PSD2: variants seen among roughly 807,000 people sequenced by gnomAD.
PSD2 encodes PH and SEC7 domain-containing protein 2.
In PSD2, 38 loss-of-function variants were observed where a neutral mutation model predicts 69.8. The observed-to-expected ratio is 0.54, with a 90% confidence interval of 0.42 to 0.71. The LOEUF (loss-of-function observed/expected upper bound fraction) is 0.71. Ranked by LOEUF, PSD2 falls within the 30% of genes least tolerant of loss-of-function variation. PSD2 has a pLI of 0.00. For synonymous variants in PSD2, 412 were observed against 423.0 expected, an observed-to-expected ratio of 0.97 and a Z score of 0.32; for missense variants, 943 against 1,014.5, an observed-to-expected ratio of 0.93 and a Z score of 0.96.
Position 139,809,450 on chromosome 5 carries a change from G to A in PSD2, c.10G>A (p.Asp4Asn). 6.2e-7 allele frequency: 1 copy of A among 1,611,322 alleles called. No individual in the cohort carries two copies. Among genetic ancestry groups the A allele is most frequent in the Non-Finnish European group, 8.5e-7 (1 of 1,179,330 alleles). Residue 4 changes from aspartate to asparagine, a missense_variant, in exon 2 of 15, where the codon GAC becomes AAC. Asp to Asn is a conservative substitution (Grantham distance 23). This residue lies in a region of PSD2 where 466 missense variants were observed against 445.0 expected (regional missense o/e 1.05). Coordinates refer to ENST00000274710, the MANE Select transcript of PSD2 (RefSeq NM_032289.4). MEE[D>N]KLLSAVPEEG... is the part of the protein sequence containing the mutation. ...GGAAGCAGTGGCTGCCATGGAGGAG[G>A]ACAAGCTCTTATCTGCAGTGCCTGA...
At chr5:139,817,605 T>C (rs1465755648) in intron 5 of PSD2, 44 bp downstream of exon 5, 22 of 1,471,542 alleles carry the variant, frequency 1.5e-5, no homozygotes, top group African/African-American at 5.6e-5. Flanking sequence ...TGGTACAGGC[T>C]GCACTTCTGG....
chr5:139,793,055 CT>C (rs1482103871), upstream of PSD2, among the ~76,000 whole-genome samples: 9 of 152,112 alleles, frequency 5.9e-5, 1 homozygote, highest in African/African-American at 1.9e-4. Context: ...TCCAGTGATT[CT>C]CTTGCCTCCG....
intron 7 of PSD2, among the ~76,000 whole-genome samples, chr5:139,828,948 C>T (rs1203997455): frequency 7.2e-6 from 1 of 137,956 alleles, no homozygotes; most frequent in Non-Finnish European, 1.5e-5. Flanking sequence ...TTCCTCTGCT[C>T]GGAGACAGAG....
chr5:139,822,675 G>A, intron 6 of PSD2, 51 bp from the exon 7 acceptor site: 1 of 1,524,410 alleles, frequency 6.6e-7, no homozygotes, highest in South Asian at 1.2e-5. Context: ...GAGACAGGGA[G>A]TGGGAAGAGG....
At chr5:139,808,717 C>T (rs1373400880) in intron 1 of PSD2, among the ~76,000 whole-genome samples, 3 of 152,180 alleles carry the variant, frequency 2.0e-5, no homozygotes, top group South Asian at 2.1e-4. Flanking sequence ...GGAGGCAGCC[C>T]GGGCTCTCTG....
In PSD2 at chr5:139,842,437, G is replaced by A. The variant is rs1358364267; in HGVS notation, c.2279G>A (p.Ser760Asn). The A allele has an allele frequency of 1.9e-6, 3 of 1,614,170 alleles. No individual in the cohort carries two copies. In the South Asian group the frequency reaches 3.3e-5, roughly 18 times the overall value. The change falls in exon 15 of 15, where the codon AGC becomes AAC. Residue 760 changes from serine (S) to asparagine (N), a missense_variant. By Grantham distance (46) the Ser-to-Asn change is conservative. Around this residue, in one of 3 missense-constraint regions of PSD2, gnomAD observed 165 missense variants for 168.8 expected, o/e 0.98. Coordinates refer to ENST00000274710, the MANE Select transcript of PSD2 (RefSeq NM_032289.4). Reference sequence around the variant, plus strand: ...CTCAGCCAGGGCCATGTGACTGGCAGCAAAACCACAAAGGATGCCACTGGG... The same window carrying A: ...CTCAGCCAGGGCCATGTGACTGGCAACAAAACCACAAAGGATGCCACTGGG... ...PALSQGHVTGSKTTKDATGPD... is the reference protein window; with the variant it reads ...PALSQGHVTGNKTTKDATGPD...
intron 1 of PSD2, among the ~76,000 whole-genome samples, chr5:139,803,221 C>T (rs923362212): frequency 6.6e-6 from 1 of 152,226 alleles, no homozygotes; most frequent in Non-Finnish European, 1.5e-5. Flanking sequence ...CTCTGGCCCC[C>T]CTCCTGGCCC....
At chr5:139,801,352 C>A (rs1291615225) in intron 1 of PSD2, among the ~76,000 whole-genome samples, 1 of 152,214 alleles carries the variant, frequency 6.6e-6, no homozygotes, top group Non-Finnish European at 1.5e-5. Context: ...CTCTCAAGGT[C>A]ATCAGTAATG....
chr5:139,838,013 G>A (rs934909707), intron 12 of PSD2, among the ~76,000 whole-genome samples: 2 of 152,220 alleles, frequency 1.3e-5, no homozygotes, highest in African/African-American at 2.4e-5. Context: ...ACTCTGGGAT[G>A]GCTCCAGCAA....
chr5:139,766,162 A>G, the PSD2 span, among the ~76,000 whole-genome samples: 26,578 of 152,086 alleles, frequency 0.17, 2,582 homozygotes, highest in African/African-American at 0.27. Flanking sequence ...GAGTCCACAG[A>G]TGAAGGACTA....
intron 1 of PSD2, among the ~76,000 whole-genome samples, chr5:139,805,350 A>C (rs1759778908): frequency 6.6e-6 from 1 of 152,242 alleles, no homozygotes; most frequent in Non-Finnish European, 1.5e-5. Flanking sequence ...GACTCCGAGC[A>C]GTTCCTCAAT....
intron 2 of PSD2, among the ~76,000 whole-genome samples, chr5:139,812,469 G>A (rs1032427838): frequency 6.0e-4 from 92 of 152,324 alleles, no homozygotes; most frequent in Middle Eastern, 3.4e-3. Flanking sequence ...CATTCACCCA[G>A]CACATCATTC....
chr5:139,765,698 G>A, the PSD2 span, among the ~76,000 whole-genome samples: 1 of 152,202 alleles, frequency 6.6e-6, no homozygotes, highest in African/African-American at 2.4e-5. Flanking sequence ...GAGGGTCGAG[G>A]GGCAGCATCC....
At chr5:139,775,761 G>A in the PSD2 span, among the ~76,000 whole-genome samples, 2 of 152,074 alleles carry the variant, frequency 1.3e-5, no homozygotes, top group Non-Finnish European at 2.9e-5. Context: ...CTCCGTCTCC[G>A]AGGTTCAAGC....
At chr5:139,805,021 G>A (rs753728154) in intron 1 of PSD2, among the ~76,000 whole-genome samples, 6 of 144,788 alleles carry the variant, frequency 4.1e-5, no homozygotes, top group South Asian at 4.2e-4. Flanking sequence ...GAGTGTGTGC[G>A]TGTGTGTGTA....
intron 1 of PSD2, among the ~76,000 whole-genome samples, chr5:139,808,636 C>T (rs564990306): frequency 1.2e-4 from 19 of 152,288 alleles, no homozygotes; most frequent in African/African-American, 4.6e-4. Flanking sequence ...GATGGGGGCC[C>T]GGGAGTGGAG....
chr5:139,792,296 A>G (rs1456302830), upstream of PSD2, among the ~76,000 whole-genome samples: 2 of 152,110 alleles, frequency 1.3e-5, no homozygotes, highest in Non-Finnish European at 2.9e-5. Flanking sequence ...CAGCTGGAAG[A>G]TGGGAGAATT....
At chr5:139,820,143 A>G (rs1760221071) in intron 5 of PSD2, among the ~76,000 whole-genome samples, 1 of 152,124 alleles carries the variant, frequency 6.6e-6, no homozygotes, top group Admixed American at 6.5e-5. Context: ...GACAGTGGTG[A>G]GGCTACCCCT....
Position 139,828,852 on chromosome 5 carries a change from GA to G in PSD2, c.1270-4849del, listed in dbSNP as rs539696560. 2.4e-3 allele frequency among the ~76,000 whole-genome samples: 365 copies of G among 152,328 alleles called. 1 individual carries two copies. Among genetic ancestry groups the G allele is most frequent in the Middle Eastern group, 0.017 (5 of 294 alleles). ...GTCTAGCCTCTACTCTGGGCAAGGA[GA>G]TGAGTTTGAGGAGATGGTCACCCTG... On this transcript the variant is annotated intron_variant, in intron 7 of 14. Transcript: ENST00000274710.
Sources: gnomAD v4.1 joint callset for allele counts (sites outside exome capture counted in the v4.1 genomes callset) on GRCh38, gnomAD v4.1.1 for gene constraint, gnomAD v4.1.1 regional missense constraint, MANE v1.5 for transcripts, NCBI Gene and HGNC (gene_info 2026-07-23, HGNC 2026-07-21) for gene names.